The following IL1R1 variants were observed in gnomAD, a reference collection of about 807,000 sequenced individuals.
IL1R1 encodes the protein interleukin 1 receptor type 1, also known as interleukin-1 receptor type 1.
A neutral mutation model predicts 50.2 loss-of-function variants in IL1R1; 22 were observed. That is an observed-to-expected ratio of 0.44 (90% CI 0.31 to 0.63). The LOEUF (loss-of-function observed/expected upper bound fraction) is 0.63. IL1R1 is among the 20% of genes least tolerant of loss of function. The probability of loss-of-function intolerance (pLI) is 0.07; values close to 1 mark genes in which losing one functional copy is unlikely to be tolerated. For missense variants in IL1R1, 509 were observed against 676.2 expected, an observed-to-expected ratio of 0.75 and a Z score of 2.74; for synonymous variants, 251 against 236.7, an observed-to-expected ratio of 1.06 and a Z score of -0.55.
chr2:102,175,544 C>G lies in IL1R1; in HGVS notation c.1202C>G (p.Ser401Cys), dbSNP rs1686054995. The G allele has an allele frequency of 6.2e-7, 1 of 1,613,530 alleles. No individual in the cohort carries two copies. The highest frequency in any genetic ancestry group is 8.5e-7 in the Non-Finnish European group (1 of 1,179,490). The change falls in exon 11 of 12, where the codon TCT becomes TGT. Residue 401 changes from serine (S) to cysteine (C), a missense_variant. Ser to Cys is a moderately radical substitution (Grantham distance 112, BLOSUM62 -1). Coordinates refer to ENST00000410023, the MANE Select transcript of IL1R1 (RefSeq NM_000877.4). ...YPKTVGEGST[S>C]DCDIFVFKVL... ...AAGACTGTTGGGGAAGGGTCTACCT[C>G]TGACTGTGATATTTTTGTGTTTAAA... is the stretch of plus-strand genomic sequence containing the variant.
intron 1 of IL1R1, among the ~76,000 whole-genome samples, chr2:102,120,835 T>A (rs1681363844): frequency 6.6e-6 from 1 of 152,214 alleles, no homozygotes; most frequent in Admixed American, 6.5e-5. Flanking sequence ...GAACACTGCC[T>A]AGTACATGGT....
chr2:102,138,688 G>A (rs1241870782), upstream of IL1R1, among the ~76,000 whole-genome samples: 3 of 152,158 alleles, frequency 2.0e-5, no homozygotes, highest in Admixed American at 2.0e-4. Flanking sequence ...TTACTTGAAA[G>A]TCAGCAGATG....
At chr2:102,146,275 C>G (rs779826049) in intron 1 of IL1R1, among the ~76,000 whole-genome samples, 1 of 152,096 alleles carries the variant, frequency 6.6e-6, no homozygotes, top group Non-Finnish European at 1.5e-5. Flanking sequence ...GGTCTCACCT[C>G]ATTAAAACCC....
intron 1 of IL1R1, among the ~76,000 whole-genome samples, chr2:102,076,634 T>C (rs1298537767): frequency 1.3e-5 from 2 of 152,226 alleles, no homozygotes; most frequent in African/African-American, 2.4e-5. Flanking sequence ...GATATTGATC[T>C]AGGGTCTTTT....
intron 1 of IL1R1, among the ~76,000 whole-genome samples, chr2:102,128,914 G>A (rs1681873918): frequency 6.6e-6 from 1 of 152,138 alleles, no homozygotes. Context: ...TACAAAACAA[G>A]AGTAGTAGCC....
chr2:102,175,865 A>G (rs2104652344), intron 11 of IL1R1: 2 of 609,510 alleles, frequency 3.3e-6, no homozygotes, highest in East Asian at 5.5e-5. Flanking sequence ...AGTTTTGAAA[A>G]ACTTAATGAC....
intron 1 of IL1R1, among the ~76,000 whole-genome samples, chr2:102,124,336 C>G (rs1218301104): frequency 1.3e-5 from 2 of 152,086 alleles, no homozygotes; most frequent in African/African-American, 2.4e-5. Flanking sequence ...AGGAGAATCG[C>G]TTGAACCCAG....
intron 2 of IL1R1, among the ~76,000 whole-genome samples, chr2:102,156,714 T>C (rs1236000469): frequency 6.6e-6 from 1 of 152,162 alleles, no homozygotes; most frequent in African/African-American, 2.4e-5. Context: ...AGTTTCATCA[T>C]GTTGGCCAGG....
At chr2:102,097,500 C>G (rs1679956443) in intron 1 of IL1R1, among the ~76,000 whole-genome samples, 1 of 151,914 alleles carries the variant, frequency 6.6e-6, no homozygotes, top group African/African-American at 2.4e-5. Flanking sequence ...GTACAAGTCC[C>G]TCATCTAGAA....
At chr2:102,135,726 T>A (rs1461300982) in intron 1 of IL1R1, among the ~76,000 whole-genome samples, 1 of 152,190 alleles carries the variant, frequency 6.6e-6, no homozygotes, top group African/African-American at 2.4e-5. Flanking sequence ...AGTCCCTGAA[T>A]TATCTAAACC....
chr2:102,096,841 T>C (rs1327763979), intron 1 of IL1R1, among the ~76,000 whole-genome samples: 1 of 151,864 alleles, frequency 6.6e-6, no homozygotes, highest in East Asian at 1.9e-4. Flanking sequence ...AGATGGGAGA[T>C]TTTGCCTTAG....
intron 1 of IL1R1, among the ~76,000 whole-genome samples, chr2:102,146,178 G>C (rs1683103301): frequency 6.6e-6 from 1 of 152,028 alleles, no homozygotes; most frequent in African/African-American, 2.4e-5. Flanking sequence ...TCCCAAATGT[G>C]AGAACTCATA....
intron 3 of IL1R1, among the ~76,000 whole-genome samples, chr2:102,158,695 G>A (rs3917245): frequency 0.82 from 124,198 of 151,750 alleles, 51,080 homozygotes; most frequent in African/African-American, 0.89. Context: ...TTGATTATAT[G>A]GAATGTTGTG....
intron 6 of IL1R1, among the ~76,000 whole-genome samples, chr2:102,168,326 A>G (rs368236358): frequency 5.5e-4 from 84 of 152,308 alleles, no homozygotes; most frequent in African/African-American, 1.8e-3. Flanking sequence ...TTGTCTGGGG[A>G]CCCAGGGTCC....
chr2:102,156,583 C>G (rs918729203), intron 2 of IL1R1, among the ~76,000 whole-genome samples: 2 of 151,656 alleles, frequency 1.3e-5, no homozygotes, highest in South Asian at 2.1e-4. Context: ...ACCATCTTGG[C>G]TCACTGCAAC....
chr2:102,145,577 C>T (rs1412532656), intron 1 of IL1R1, among the ~76,000 whole-genome samples: 6 of 152,136 alleles, frequency 3.9e-5, no homozygotes, highest in South Asian at 2.1e-4. Flanking sequence ...TGCCCACGAG[C>T]GGACAGGGGG....
At chr2:102,113,142 G>A (rs566255223) in intron 1 of IL1R1, among the ~76,000 whole-genome samples, 8 of 152,352 alleles carry the variant, frequency 5.3e-5, no homozygotes, top group South Asian at 2.1e-4. Flanking sequence ...AAGACACTGC[G>A]TTCAATCAGC....
chr2:102,121,914 C>T (rs1282200912), intron 1 of IL1R1, among the ~76,000 whole-genome samples: 2 of 152,092 alleles, frequency 1.3e-5, no homozygotes, highest in African/African-American at 2.4e-5. Context: ...TTGTTCTCAG[C>T]CTTCATCTTC....
Position 102,178,573 on chromosome 2 carries a change from A to G in IL1R1, c.*1814A>G, listed in dbSNP as rs201408991. The stretch of plus-strand genomic sequence containing the variant: ...GTTCTGAGTACTTGATTTCAGGTCA[A>G]TAACGGTCCCCCCTCACTCCACACT... On this transcript the variant is annotated 3_prime_UTR_variant, in exon 12 of 12. Transcript: ENST00000410023. 1.2e-4 allele frequency: 19 copies of G among 152,382 alleles called. No homozygotes were observed. The South Asian group carries it at 3.9e-3, about 32-fold the overall frequency. The allele number at this position is 152,382 out of a possible 1,614,324, so 9.4% of individuals were successfully genotyped here.
Sources: gnomAD v4.1 joint callset for allele counts (sites outside exome capture counted in the v4.1 genomes callset) on GRCh38, gnomAD v4.1.1 for gene constraint, MANE v1.5 for transcripts, NCBI Gene and HGNC (gene_info 2026-07-23, HGNC 2026-07-21) for gene names.